DOCK6: variants seen among roughly 807,000 people sequenced by gnomAD.
DOCK6 encodes the protein dedicator of cytokinesis protein 6.
Under a neutral mutation model 230.3 loss-of-function variants are expected in DOCK6, and 167 were observed. The ratio of observed to expected loss-of-function variants is 0.73; its 90% CI spans 0.64 to 0.82. The LOEUF is 0.82. DOCK6 is among the 40% of genes least tolerant of loss of function. DOCK6 has a pLI of 0.00. For missense variants in DOCK6, 2,598 were observed against 2,825.8 expected, an observed-to-expected ratio of 0.92 and a Z score of 1.83; for synonymous variants, 1,148 against 1,185.0, an observed-to-expected ratio of 0.97 and a Z score of 0.64.
In DOCK6 at chr19:11,200,160, C is replaced by A. The variant is rs8101206; in HGVS notation, c.6101+148G>T. The A allele has an allele frequency of 0.33, 200,480 of 601,554 alleles. 21,222 individuals are homozygous for A. Among genetic ancestry groups the A allele is most frequent in the African/African-American group, 0.53 (24,276 of 45,962 alleles). 37.3% of individuals were successfully genotyped at this position (601,554 alleles called of 1,614,324 possible). A position where few individuals can be genotyped will look rare whatever the true frequency, so the allele number is the denominator to read the frequency against. On this transcript the variant is annotated intron_variant, in intron 47 of 47. Transcript: ENST00000294618. This position sits in a 1 kb window ranked among gnomAD's most constrained non-coding sequence, Gnocchi z 4.3. ...AGGGAGAGTCTCTCAAAAAAAAAAA[C>A]AAAAAAAAAACCGGAAACAAAACAA...
intron 28 of DOCK6, among the ~76,000 whole-genome samples, chr19:11,220,010 A>G (rs922155588): frequency 3.3e-5 from 5 of 151,250 alleles, no homozygotes; most frequent in Non-Finnish European, 5.9e-5. Flanking sequence ...CTGGAGTGCA[A>G]TGGCACAATC....
At position 11,243,117 on chromosome 19, in the gene DOCK6, C is replaced by T. The variant is rs976781644; in HGVS notation, c.1422G>A (p.Lys474=). 6.2e-6 allele frequency: 10 copies of T among 1,614,014 alleles called. No individual in the cohort carries two copies. The highest frequency in any genetic ancestry group is 8.5e-6 in the Non-Finnish European group (10 of 1,179,896). The stretch of plus-strand genomic sequence containing the variant: ...ACGGGCGCCTCATGTCAGCCAGGAA[C>T]TTGAAGAGGTCCTCGTCACTGAGTC... ...AERLSDEDLF[K]FLADMRRPSS... The change falls in exon 13 of 48, where the codon AAG becomes AAA. Residue 474 remains lysine (K), a synonymous_variant. Transcript: ENST00000294618. The surrounding 1 kb of genome is among the most constrained non-coding windows in gnomAD (Gnocchi z 6.3).
At chr19:11,217,140 G>A in intron 29 of DOCK6, 44 bp from the exon 30 acceptor site, 1 of 1,597,784 alleles carries the variant, frequency 6.3e-7, no homozygotes, top group Non-Finnish European at 8.5e-7. Context: ...TTTTCTCCAT[G>A]TGAGATGAAT....
chr19:11,232,586 A>G (rs770212723), intron 22 of DOCK6, among the ~76,000 whole-genome samples: 25 of 113,528 alleles, frequency 2.2e-4, no homozygotes, highest in African/African-American at 7.9e-4. Flanking sequence ...ACCCAGGTAC[A>G]TACAGGCACA....
rs2079220814 is a variant in DOCK6, at chr19:11,204,258, T to C, written c.5162A>G (p.Lys1721Arg). ...IPILEAHRDY[K>R]KLAAVHGKLQ... ...TTTGCCGTGCACCGCGGCCAGCTTC[T>C]TGTAGTCACGGTGGGCTTCCAGGAT... The change falls in exon 40 of 48, where the codon AAG (lysine) becomes AGG (arginine). Residue 1721 changes from lysine (K) to arginine (R), a missense_variant. Coordinates refer to ENST00000294618, the MANE Select transcript of DOCK6 (RefSeq NM_020812.4). The C allele has an allele frequency of 1.2e-6, 2 of 1,600,260 alleles. No homozygotes were observed. The highest frequency in any genetic ancestry group is 1.3e-5 in the African/African-American group (1 of 74,408).
In DOCK6 at chr19:11,202,517, G is replaced by A; in HGVS notation, c.5362-34C>T. On this transcript the variant is annotated intron_variant, in intron 42 of 47. Coordinates refer to ENST00000294618, the MANE Select transcript of DOCK6 (RefSeq NM_020812.4). The surrounding 1 kb of genome is among the most constrained non-coding windows in gnomAD (Gnocchi z 5.3). ...ACAGGGCTGACTCGGGGCCACCCAG[G>A]GACAGCCCCTACTCCAGCCCCAAGG... 1 of 1,613,488 alleles carries A rather than the reference G, an allele frequency of 6.2e-7. No homozygotes were observed. Among genetic ancestry groups the A allele is most frequent in the Non-Finnish European group, 8.5e-7 (1 of 1,179,654 alleles).
chr19:11,216,818 A>G, intron 30 of DOCK6, 96 bp downstream of exon 30: 1 of 1,272,536 alleles, frequency 7.9e-7, no homozygotes, highest in Non-Finnish European at 1.1e-6. Context: ...CTGCACAAAG[A>G]CAGTCCACCC....
intron 22 of DOCK6, chr19:11,229,352 G>A (rs750944485): frequency 1.8e-4 from 206 of 1,131,190 alleles, no homozygotes; most frequent in East Asian, 2.0e-4. Context: ...AGGAACCCTC[G>A]AGGTAGGAGG....
intron 18 of DOCK6, 110 bp downstream of exon 18, chr19:11,237,339 CCTGGAGG>C (rs2079864602): frequency 4.6e-6 from 5 of 1,097,556 alleles, no homozygotes; most frequent in Non-Finnish European, 2.7e-6. Flanking sequence ...ACACGGGGGC[CCTGGAGG>C]CACCAGTAGA....
chr19:11,247,076 G>A (rs1407567632), intron 7 of DOCK6, among the ~76,000 whole-genome samples: 1 of 152,098 alleles, frequency 6.6e-6, no homozygotes, highest in Admixed American at 6.6e-5. Context: ...ATGGTTATGT[G>A]TCCTGTATAC....
chr19:11,243,664 C>A lies in DOCK6; in HGVS notation c.1151G>T (p.Cys384Phe). 6.2e-7 allele frequency: 1 copy of A among 1,613,016 alleles called. No individual in the cohort carries two copies. Among genetic ancestry groups the A allele is most frequent in the Non-Finnish European group, 8.5e-7 (1 of 1,179,746 alleles). The change falls in exon 11 of 48, where the codon TGC (cysteine) becomes TTC (phenylalanine). Residue 384 changes from cysteine to phenylalanine, a missense_variant. Physicochemically the swap from Cys to Phe is radical, Grantham distance 205 (BLOSUM62 -2). Transcript: ENST00000294618. This position sits in a 1 kb window ranked among gnomAD's most constrained non-coding sequence, Gnocchi z 6.3. ...EKLRLAAEQFCTRLGRYRMPF... is the reference protein window; with the variant it reads ...EKLRLAAEQFFTRLGRYRMPF... The stretch of plus-strand genomic sequence containing the variant: ...CATGCGGTAGCGGCCCAGGCGGGTG[C>A]AGAACTGCTCGGCCGCCAGGCGCAG...
chr19:11,212,865 CTTTTTTTTT>C (rs34049310), intron 35 of DOCK6, among the ~76,000 whole-genome samples: 1 of 104,472 alleles, frequency 9.6e-6, no homozygotes, highest in Non-Finnish European at 1.9e-5. Flanking sequence ...GTGCCTGGCC[CTTTTTTTTT>C]TTTTTTTTTT....
At chr19:11,242,936 G>A in intron 13 of DOCK6, 123 bp downstream of exon 13, 1 of 1,114,892 alleles carries the variant, frequency 9.0e-7, no homozygotes, top group Non-Finnish European at 1.3e-6. Flanking sequence ...TGAGGTCAGG[G>A]ATTTGTCCAT....
intron 1 of DOCK6, among the ~76,000 whole-genome samples, chr19:11,258,632 C>T (rs1237801815): frequency 6.6e-6 from 1 of 151,874 alleles, no homozygotes; most frequent in Non-Finnish European, 1.5e-5. Context: ...GGGGTTTCAC[C>T]ATGTTGGCCA....
intron 16 of DOCK6, 78 bp from the exon 17 acceptor site, chr19:11,237,857 C>A: frequency 6.8e-7 from 1 of 1,477,476 alleles, no homozygotes. Context: ...CATGCCACGC[C>A]CTTATTGCTG....
rs56665433 is a variant in DOCK6 at position 11,235,877 on chromosome 19, AT to A, written c.2393-119del. 193,012 of 877,100 alleles carry A rather than the reference AT, an allele frequency of 0.22. 1,970 individuals carry two copies. Among genetic ancestry groups the A allele is most frequent in the African/African-American group, 0.34 (16,350 of 48,206 alleles). 54.3% of individuals were successfully genotyped at this position (877,100 alleles called of 1,614,324 possible). Reference sequence around the variant, plus strand: ...TCATGTGCTCATTAAGGGGTCACAAATTTTTTTTTTTTTTTTTTTTTGAGAT... The same window carrying A: ...TCATGTGCTCATTAAGGGGTCACAAATTTTTTTTTTTTTTTTTTTTGAGAT... On this transcript the variant is annotated intron_variant, in intron 20 of 47. Coordinates refer to ENST00000294618, the MANE Select transcript of DOCK6 (RefSeq NM_020812.4).
intron 1 of DOCK6, among the ~76,000 whole-genome samples, chr19:11,254,617 G>T (rs1031667285): frequency 6.6e-6 from 1 of 152,034 alleles, no homozygotes; most frequent in East Asian, 1.9e-4. Flanking sequence ...GGGAGGCGCA[G>T]GTTGCAATGA....
At chr19:11,220,822 ATTTTTTT>A (rs372764985) in intron 28 of DOCK6, among the ~76,000 whole-genome samples, 2 of 139,796 alleles carry the variant, frequency 1.4e-5, no homozygotes, top group African/African-American at 2.7e-5. Context: ...TAATATCTGA[ATTTTTTT>A]TTTTTTTTTT....
At position 11,221,848 on chromosome 19, in the gene DOCK6, G is replaced by A; in HGVS notation, c.3550+3C>T. On this transcript the variant is annotated splice_donor_region_variant and intron_variant, in intron 28 of 47. Transcript: ENST00000294618. ...TGACCCCATCTTCCCCTGGCCCACTGACCAGCAAAGTCATGCAGCCGTGGC... is the reference window on the plus strand; with the variant it reads ...TGACCCCATCTTCCCCTGGCCCACTAACCAGCAAAGTCATGCAGCCGTGGC... 1 of 1,613,672 alleles carries A rather than the reference G, an allele frequency of 6.2e-7. No individual in the cohort carries two copies. The highest frequency in any genetic ancestry group is 8.5e-7 in the Non-Finnish European group (1 of 1,179,896).
Sources: allele counts gnomAD v4.1 joint callset (sites outside exome capture counted in the v4.1 genomes callset), GRCh38; gene constraint gnomAD v4.1.1; non-coding constraint Gnocchi (gnomAD v3.1); transcripts MANE v1.5; gene names NCBI Gene and HGNC (gene_info 2026-07-23, HGNC 2026-07-21).